The following ROBO1 variants were observed in gnomAD, a reference collection of about 807,000 sequenced individuals.
ROBO1 encodes roundabout homolog 1.
In ROBO1, 149 loss-of-function variants were observed where a neutral mutation model predicts 195.9. The observed-to-expected ratio is 0.76, with a 90% CI of 0.67 to 0.87. The LOEUF (loss-of-function observed/expected upper bound fraction) is 0.87, where lower values mean the gene tolerates loss of function less well. ROBO1 is among the 40% of genes least tolerant of loss of function. The pLI, the probability that ROBO1 is intolerant of heterozygous loss-of-function variation, is 0.00. For synonymous variants in ROBO1, 816 were observed against 733.2 expected (o/e 1.11, Z -1.82); for missense variants, 1,933 against 2,068.3 (o/e 0.93, Z 1.27).
At chr3:79,072,964 T>G (rs1181099480) in intron 3 of ROBO1, among the ~76,000 whole-genome samples, 1 of 151,960 alleles carries the variant, frequency 6.6e-6, no homozygotes, top group Non-Finnish European at 1.5e-5. Flanking sequence ...TATGATAAAT[T>G]CTATGGAGAG....
At chr3:78,761,133 G>A (rs1452039686) in intron 4 of ROBO1, among the ~76,000 whole-genome samples, 1 of 152,014 alleles carries the variant, frequency 6.6e-6, no homozygotes, top group Non-Finnish European at 1.5e-5. Flanking sequence ...GCTTTCTCTG[G>A]AGATGTTAAG....
At chr3:79,084,338 A>G (rs2079329036) in intron 3 of ROBO1, among the ~76,000 whole-genome samples, 1 of 152,108 alleles carries the variant, frequency 6.6e-6, no homozygotes, top group African/African-American at 2.4e-5. Context: ...GTCTCTACTA[A>G]AAATACAAAA....
At chr3:79,375,455 T>C (rs2036347007) in intron 2 of ROBO1, among the ~76,000 whole-genome samples, 1 of 152,162 alleles carries the variant, frequency 6.6e-6, no homozygotes, top group African/African-American at 2.4e-5. Context: ...TCCAGAGCAA[T>C]AGCAAAAGGC....
At chr3:79,432,124 G>A (rs1045081291) in intron 2 of ROBO1, among the ~76,000 whole-genome samples, 35 of 151,928 alleles carry the variant, frequency 2.3e-4, no homozygotes, top group African/African-American at 7.0e-4. Context: ...TAGATTTAGC[G>A]AAATGTTTTT....
chr3:79,363,356 GAAGA>G (rs1319832801), intron 2 of ROBO1, among the ~76,000 whole-genome samples: 2 of 152,094 alleles, frequency 1.3e-5, no homozygotes, highest in Admixed American at 6.6e-5. Flanking sequence ...CACAAAACAT[GAAGA>G]AAGAAAGAAA....
At chr3:79,081,707 A>G (rs1324777827) in intron 3 of ROBO1, among the ~76,000 whole-genome samples, 1 of 152,154 alleles carries the variant, frequency 6.6e-6, no homozygotes, top group Admixed American at 6.6e-5. Context: ...GTTTTTGCAA[A>G]CTGCCTGGCT....
chr3:78,825,811 GA>G (rs749897299), intron 4 of ROBO1, among the ~76,000 whole-genome samples: 30 of 152,162 alleles, frequency 2.0e-4, no homozygotes, highest in Non-Finnish European at 3.2e-4. Flanking sequence ...AAAATGTGCT[GA>G]TACTGTTCAA....
chr3:78,818,635 A>T (rs2030450075), intron 4 of ROBO1, among the ~76,000 whole-genome samples: 1 of 152,214 alleles, frequency 6.6e-6, no homozygotes, highest in African/African-American at 2.4e-5. Flanking sequence ...GCCAGCAGCC[A>T]TCTTGAAGCA....
chr3:79,010,410 T>C (rs533110774), intron 3 of ROBO1, among the ~76,000 whole-genome samples: 1 of 152,234 alleles, frequency 6.6e-6, no homozygotes, highest in African/African-American at 2.4e-5. Context: ...TCTAATATGA[T>C]TGTTTTAAGT....
At chr3:79,252,075 T>C (rs1201925919) in intron 2 of ROBO1, among the ~76,000 whole-genome samples, 1 of 152,044 alleles carries the variant, frequency 6.6e-6, no homozygotes, top group African/African-American at 2.4e-5. Flanking sequence ...CTATTGTAAA[T>C]TTTATCTCAC....
chr3:78,862,766 G>A (rs1467255590), intron 4 of ROBO1, among the ~76,000 whole-genome samples: 2 of 152,142 alleles, frequency 1.3e-5, no homozygotes, highest in Non-Finnish European at 2.9e-5. Flanking sequence ...TCAGAGATAT[G>A]ATATAAACCT....
intron 3 of ROBO1, among the ~76,000 whole-genome samples, chr3:79,087,184 A>AT (rs2079386815): frequency 6.6e-6 from 1 of 152,106 alleles, no homozygotes; most frequent in African/African-American, 2.4e-5. Context: ...CAGAACTTAG[A>AT]TACACAACTC....
At chr3:79,061,906 A>C (rs558837976) in intron 3 of ROBO1, among the ~76,000 whole-genome samples, 2 of 152,188 alleles carry the variant, frequency 1.3e-5, no homozygotes, top group African/African-American at 2.4e-5. Flanking sequence ...CCTAGAAGAA[A>C]ACTTAGGCAA....
rs866626194 is a variant in ROBO1, at chr3:78,600,301, G to C, written c.4753C>G (p.Leu1585Val). Reference sequence around the variant, plus strand: ...GGAAAAGTAGGTCTACAATAAGGTAGAATATCCTCTGTGTAATGAAATATA... The same window carrying C: ...GGAAAAGTAGGTCTACAATAAGGTACAATATCCTCTGTGTAATGAAATATA... ...AKTHLIQEDI[L>V]PYCRPTFPTS... Residue 1585 changes from leucine (L) to valine (V), a missense_variant, in exon 30 of 31, where the codon CTA becomes GTA. Physicochemically the swap from Leu to Val is conservative, Grantham distance 32. Transcript: ENST00000464233. 6.2e-7 allele frequency: 1 copy of C among 1,600,410 alleles called. No individual in the cohort carries two copies. The highest frequency in any genetic ancestry group is 8.6e-7 in the Non-Finnish European group (1 of 1,167,834).
chr3:79,079,285 T>C (rs1460382084), intron 3 of ROBO1, among the ~76,000 whole-genome samples: 1 of 151,796 alleles, frequency 6.6e-6, no homozygotes, highest in Non-Finnish European at 1.5e-5. Context: ...ACCTAAATTC[T>C]AGAACTTAAA....
intron 2 of ROBO1, among the ~76,000 whole-genome samples, chr3:79,217,426 G>T (rs557254596): frequency 6.6e-6 from 1 of 151,824 alleles, no homozygotes; most frequent in Non-Finnish European, 1.5e-5. Context: ...ACATTTTAAC[G>T]TATTTTTTTC....
At chr3:79,502,689 C>G (rs1040495075) in intron 2 of ROBO1, among the ~76,000 whole-genome samples, 3 of 78,188 alleles carry the variant, frequency 3.8e-5, no homozygotes, top group African/African-American at 2.0e-4. Context: ...GCTCCTGAGT[C>G]TAGTGGGGAC....
chr3:79,165,097 A>G (rs2081038809), intron 2 of ROBO1, among the ~76,000 whole-genome samples: 1 of 152,172 alleles, frequency 6.6e-6, no homozygotes, highest in Non-Finnish European at 1.5e-5. Context: ...AAGCGCCATA[A>G]GGTCAGGAAT....
intron 1 of ROBO1, among the ~76,000 whole-genome samples, chr3:79,727,637 C>T (rs948924167): frequency 2.6e-5 from 4 of 152,112 alleles, no homozygotes; most frequent in Non-Finnish European, 4.4e-5. Context: ...ATTAACTACA[C>T]AAACAGGTAA....
Sources: gnomAD v4.1 joint callset for allele counts (sites outside exome capture counted in the v4.1 genomes callset) on GRCh38, gnomAD v4.1.1 for gene constraint, MANE v1.5 for transcripts, NCBI Gene and HGNC (gene_info 2026-07-23, HGNC 2026-07-21) for gene names.